ZNF846: variants seen among roughly 807,000 people sequenced by gnomAD.
ZNF846 encodes zinc finger protein 846.
In ZNF846, 15 loss-of-function variants were observed where a neutral mutation model predicts 16.0. The observed-to-expected ratio is 0.94, with a 90% CI of 0.63 to 1.45. The LOEUF is 1.45. ZNF846 is among the 40% of genes most tolerant of loss of function. ZNF846 has a pLI of 0.00. For missense variants in ZNF846, 714 were observed against 622.3 expected, an observed-to-expected ratio of 1.15 and a Z score of -1.57; for synonymous variants, 229 against 212.0, an observed-to-expected ratio of 1.08 and a Z score of -0.70.
chr19:9,757,467 G>A (rs1240708194), downstream of ZNF846: 2 of 1,551,676 alleles, frequency 1.3e-6, no homozygotes, highest in Non-Finnish European at 1.7e-6. Context: ...TAAGATCTGA[G>A]GAACACTTCA....
chr19:9,775,691 T>G (rs1260444803), intron 1 of ZNF846, among the ~76,000 whole-genome samples: 1 of 152,158 alleles, frequency 6.6e-6, no homozygotes, highest in African/African-American at 2.4e-5. Context: ...GTGATTAACG[T>G]AAAATATGTG....
At chr19:9,774,735 A>G in intron 1 of ZNF846, 1 of 1,552,164 alleles carries the variant, frequency 6.4e-7, no homozygotes, top group Non-Finnish European at 8.9e-7. Flanking sequence ...CCAAATATCG[A>G]CGAAAAGGGG....
At chr19:9,762,026 A>T in intron 4 of ZNF846, 56 bp downstream of exon 4, 2 of 1,417,380 alleles carry the variant, frequency 1.4e-6, no homozygotes, top group South Asian at 2.3e-5. Context: ...AATGTACTGC[A>T]TGTCTCCTAG....
At chr19:9,772,218 A>G (rs1455253651), upstream of ZNF846, among the ~76,000 whole-genome samples, 1 of 152,218 alleles carries the variant, frequency 6.6e-6, no homozygotes, top group East Asian at 1.9e-4. Flanking sequence ...CCAAGTTCAA[A>G]TATTCCCAGT....
intron 1 of ZNF846, among the ~76,000 whole-genome samples, chr19:9,765,473 C>T (rs1461323599): frequency 6.6e-6 from 1 of 152,112 alleles, no homozygotes; most frequent in Admixed American, 6.5e-5. Flanking sequence ...GAGATCGAGA[C>T]CATCCTGGCT....
In ZNF846 at chr19:9,759,439, C is replaced by CA. The variant is rs1007161875; in HGVS notation, c.312+420dup. On this transcript the variant is annotated intron_variant, in intron 5 of 5. Coordinates refer to ENST00000397902, the Ensembl canonical transcript of ZNF846. ...ACAAAATGGTGAAACCCCATCTCTA[C>CA]AAAAAAAAAAATAATCAGCCAGGCA... Among the ~76,000 whole-genome samples the CA allele has an allele frequency of 2.8e-3, 404 of 143,296 alleles. 10 individuals are homozygous for CA. Among genetic ancestry groups the CA allele is most frequent in the African/African-American group, 7.4e-3 (287 of 38,768 alleles). The allele number at this position is 143,296 out of a possible 152,430, so 94.0% of individuals were successfully genotyped here.
intron 4 of ZNF846, 60 bp from the exon 5 acceptor site, chr19:9,760,002 G>T: frequency 7.5e-7 from 1 of 1,335,512 alleles, no homozygotes; most frequent in Non-Finnish European, 1.1e-6. Flanking sequence ...TCGTTTAAAA[G>T]CCTATGGGGC....
At position 9,759,931 on chromosome 19, in the gene ZNF846, G is replaced by C. The variant is rs76706442; in HGVS notation, c.241C>G (p.Gln81Glu). 176 of 1,612,136 alleles carry C rather than the reference G, an allele frequency of 1.1e-4. 2 individuals carry two copies. The East Asian group carries it at 3.9e-3, about 36-fold the overall frequency. The change falls in exon 5 of 6, where the codon CAA (glutamine) becomes GAA (glutamate). Residue 81 changes from glutamine (Q) to glutamate (E), a missense_variant. Gln to Glu is a conservative substitution (Grantham distance 29). Transcript: ENST00000397902. ...AGTGGGGAGCCTTTGGTTTTGAGTTGCAAATCCAATTCTGAAATAAAGTGA... is the reference window on the plus strand; with the variant it reads ...AGTGGGGAGCCTTTGGTTTTGAGTTCCAAATCCAATTCTGAAATAAAGTGA...
chr19:9,765,763 C>T (rs781175773), intron 1 of ZNF846, among the ~76,000 whole-genome samples: 103 of 152,168 alleles, frequency 6.8e-4, no homozygotes, highest in Non-Finnish European at 2.2e-4. Context: ...AATTGTAATA[C>T]TATTCTGACA....
At chr19:9,748,629 T>C (rs114951959), downstream of ZNF846, among the ~76,000 whole-genome samples, 370 of 152,310 alleles carry the variant, frequency 2.4e-3, 3 homozygotes, top group African/African-American at 8.5e-3. Flanking sequence ...CTCTATTTTG[T>C]TCCATTGGTC....
chr19:9,757,683 A>C, exon 6 of ZNF846: 2 of 1,613,434 alleles, frequency 1.2e-6, no homozygotes, highest in Non-Finnish European at 1.7e-6. Context: ...GTGCATATTA[A>C]GATTTGTGGA....
At chr19:9,770,809 C>A (rs1444373320), upstream of ZNF846, among the ~76,000 whole-genome samples, 2 of 151,966 alleles carry the variant, frequency 1.3e-5, no homozygotes, top group Non-Finnish European at 1.5e-5. Flanking sequence ...GCGGAGGTTG[C>A]AGTGAGCTGA....
At chr19:9,757,772 C>G in exon 6 of ZNF846, 1 of 1,613,142 alleles carries the variant, frequency 6.2e-7, no homozygotes, top group Non-Finnish European at 8.5e-7. Context: ...TACTAAGGCC[C>G]GAGGATTGAG....
chr19:9,780,048 G>GTTT lies in ZNF846; in HGVS notation c.-86+5887_-86+5889dup, dbSNP rs558280116. ...CATGCCACCATGCCCAGCTAATTTTGTTTTTTTTTTTGTTTTTTTTTTTGT... is the reference window on the plus strand; with the variant it reads ...CATGCCACCATGCCCAGCTAATTTTGTTTTTTTTTTTTTTGTTTTTTTTTTTGT... On this transcript the variant is annotated intron_variant, in intron 1 of 4. Transcript: ENST00000586814. Among the ~76,000 whole-genome samples, 161 of 124,286 alleles carry GTTT rather than the reference G, an allele frequency of 1.3e-3. 4 individuals are homozygous for GTTT. Among genetic ancestry groups the GTTT allele is most frequent in the African/African-American group, 3.7e-3 (108 of 29,466 alleles). 81.5% of individuals were successfully genotyped at this position (124,286 alleles called of 152,430 possible).
At chr19:9,778,962 G>A (rs1473252625) in intron 1 of ZNF846, among the ~76,000 whole-genome samples, 1 of 151,994 alleles carries the variant, frequency 6.6e-6, no homozygotes, top group Non-Finnish European at 1.5e-5. Flanking sequence ...TTAATACTAT[G>A]CTAGTATATA....
downstream of ZNF846, among the ~76,000 whole-genome samples, chr19:9,753,245 T>TTTAC (rs2045103000): frequency 6.7e-6 from 1 of 148,296 alleles, no homozygotes. Context: ...TATTTATTTA[T>TTTAC]TTATTTATTT....
rs2045150784 is a variant in ZNF846, at chr19:9,757,546, AT to A, written c.1530del (p.Lys510AsnfsTer16). On this transcript the variant is annotated frameshift_variant, in exon 6 of 6. Coordinates refer to ENST00000397902, the Ensembl canonical transcript of ZNF846. LOFTEE classifies it low-confidence loss of function (END_TRUNC). ...GAAGATTGAGTGAAGTTTTTCCCACATTTCTTACATTCATATGGTTTTGCTC... is the reference window on the plus strand; with the variant it reads ...GAAGATTGAGTGAAGTTTTTCCCACATTCTTACATTCATATGGTTTTGCTC... 6.2e-7 allele frequency: 1 copy of A among 1,612,220 alleles called. No individual in the cohort carries two copies. Among genetic ancestry groups the A allele is most frequent in the African/African-American group, 1.3e-5 (1 of 74,392 alleles).
At chr19:9,753,545 T>C (rs1408750965), downstream of ZNF846, among the ~76,000 whole-genome samples, 2 of 151,262 alleles carry the variant, frequency 1.3e-5, no homozygotes, top group Non-Finnish European at 2.9e-5. Context: ...TGAGCCACCG[T>C]GCCCAGCCTA....
chr19:9,757,360 T>C (rs1225058053), downstream of ZNF846: 2 of 842,358 alleles, frequency 2.4e-6, no homozygotes, highest in Admixed American at 2.7e-5. Flanking sequence ...CCATGTTAAA[T>C]TCATTCCTAT....
Sources: allele counts gnomAD v4.1 joint callset (sites outside exome capture counted in the v4.1 genomes callset), GRCh38; gene constraint gnomAD v4.1.1; transcripts MANE v1.5; gene names NCBI Gene and HGNC (gene_info 2026-07-23, HGNC 2026-07-21).